The following UNC79 variants were observed in gnomAD, a reference collection of about 807,000 sequenced individuals.
UNC79 encodes the protein protein unc-79 homolog.
UNC79 carries 37 observed loss-of-function variants against 283.1 expected under a neutral mutation model. That is an observed-to-expected ratio of 0.13 (90% confidence interval 0.10 to 0.17). The LOEUF is 0.17. Ranked by LOEUF, UNC79 falls within the 10% of genes least tolerant of loss-of-function variation. UNC79 has a pLI of 1.00. For synonymous variants in UNC79, 1,107 were observed against 1,200.2 expected, an observed-to-expected ratio of 0.92 and a Z score of 1.61; for missense variants, 2,272 against 3,211.1, an observed-to-expected ratio of 0.71 and a Z score of 7.07.
chr14:93,634,746 G>T, intron 31 of UNC79, 109 bp downstream of exon 34: 1 of 1,107,000 alleles, frequency 9.0e-7, no homozygotes, highest in Non-Finnish European at 1.3e-6. Flanking sequence ...CATGTTCTTT[G>T]GTTCAGGTAA....
intron 1 of UNC79, among the ~76,000 whole-genome samples, chr14:93,352,651 C>T (rs1211302576): frequency 6.6e-6 from 1 of 152,170 alleles, no homozygotes; most frequent in Non-Finnish European, 1.5e-5. Context: ...GAATACTGAA[C>T]TCCTAGGGGA....
chr14:93,689,076 A>G (rs1311136348), intron 44 of UNC79: 5 of 459,812 alleles, frequency 1.1e-5, no homozygotes, highest in African/African-American at 9.9e-5. Context: ...TTGTCCTTTC[A>G]TGAAGAATGA....
At chr14:93,702,653 C>T (rs2075614004) in intron 47 of UNC79, among the ~76,000 whole-genome samples, 1 of 152,264 alleles carries the variant, frequency 6.6e-6, no homozygotes, top group South Asian at 2.1e-4. Flanking sequence ...CACATACTGT[C>T]CCCCATCCCA....
chr14:93,695,056 C>T (rs186389603), intron 47 of UNC79, among the ~76,000 whole-genome samples: 4 of 152,266 alleles, frequency 2.6e-5, no homozygotes, highest in East Asian at 3.9e-4. Context: ...GATACAAAAA[C>T]GAAACAGTAG....
chr14:93,411,759 T>C (rs765604093), intron 1 of UNC79, among the ~76,000 whole-genome samples: 3 of 152,234 alleles, frequency 2.0e-5, no homozygotes, highest in Non-Finnish European at 4.4e-5. Context: ...TTAATGCAGA[T>C]ACAGCTTAGA....
chr14:93,404,486 T>TAAAAAAAAAAAAAAAAAAA (rs34406486), intron 1 of UNC79, among the ~76,000 whole-genome samples: 1 of 53,048 alleles, frequency 1.9e-5, no homozygotes, highest in African/African-American at 8.0e-5. Flanking sequence ...TGAGACCTTC[T>TAAAAAAAAAAAAAAAAAAA]AAAAAAAATA....
At chr14:93,611,440 G>A (rs1363602251) in intron 26 of UNC79, among the ~76,000 whole-genome samples, 1 of 152,168 alleles carries the variant, frequency 6.6e-6, no homozygotes, top group Non-Finnish European at 1.5e-5. Context: ...CGACAACTAA[G>A]CTTGTTACCT....
intron 1 of UNC79, among the ~76,000 whole-genome samples, chr14:93,414,276 A>T (rs2055402890): frequency 6.6e-6 from 1 of 152,204 alleles, no homozygotes; most frequent in South Asian, 2.1e-4. Flanking sequence ...GCCATTATTA[A>T]ATAGGGAATC....
chr14:93,652,023 A>G (rs982371298), intron 35 of UNC79, among the ~76,000 whole-genome samples: 3 of 149,556 alleles, frequency 2.0e-5, no homozygotes, highest in African/African-American at 7.4e-5. Context: ...CGGCCTCCCA[A>G]AGTGCTGGGA....
intron 24 of UNC79, among the ~76,000 whole-genome samples, chr14:93,599,797 C>CT (rs1450427648): frequency 2.6e-5 from 4 of 152,192 alleles, no homozygotes; most frequent in African/African-American, 9.6e-5. Flanking sequence ...GGTGACTTTG[C>CT]TTTTTTCGGA....
intron 47 of UNC79, among the ~76,000 whole-genome samples, chr14:93,700,732 T>G (rs1429903440): frequency 6.6e-6 from 1 of 152,210 alleles, no homozygotes; most frequent in Non-Finnish European, 1.5e-5. Context: ...AGAGCAGCAA[T>G]TTTTGTAGGG....
chr14:93,614,810 A>C lies in UNC79; in HGVS notation c.4041+1727A>C, dbSNP rs117574966. 1.8e-4 allele frequency among the ~76,000 whole-genome samples: 28 copies of C among 152,174 alleles called. No individual in the cohort carries two copies. The East Asian group carries it at 5.4e-3, about 29-fold the overall frequency. On this transcript the variant is annotated intron_variant, in intron 27 of 48. Coordinates refer to ENST00000555664, the Ensembl canonical transcript of UNC79. Reference sequence around the variant, plus strand: ...GACAGACACCATACTTTACTCATCCATTCCCCTAGTTATGGACTCATATTG... The same window carrying C: ...GACAGACACCATACTTTACTCATCCCTTCCCCTAGTTATGGACTCATATTG...
chr14:93,344,079 C>T (rs1012538841), intron 1 of UNC79, among the ~76,000 whole-genome samples: 1 of 152,130 alleles, frequency 6.6e-6, no homozygotes, highest in Non-Finnish European at 1.5e-5. Context: ...TTTGGAGTCA[C>T]CACTGTCGAA....
intron 1 of UNC79, among the ~76,000 whole-genome samples, chr14:93,384,382 A>G (rs932703875): frequency 1.3e-5 from 2 of 152,234 alleles, no homozygotes; most frequent in Non-Finnish European, 2.9e-5. Context: ...ACTTTTGGAT[A>G]GAAGCCATTT....
At chr14:93,578,138 G>A in intron 18 of UNC79, 75 bp downstream of exon 18, 2 of 1,368,402 alleles carry the variant, frequency 1.5e-6, no homozygotes, top group East Asian at 4.8e-5. Flanking sequence ...TTCTTTCCAT[G>A]TGTTGGGCAT....
intron 1 of UNC79, among the ~76,000 whole-genome samples, chr14:93,367,013 C>T (rs1455522589): frequency 6.6e-6 from 1 of 152,132 alleles, no homozygotes; most frequent in African/African-American, 2.4e-5. Context: ...TCTTGTTTCA[C>T]AGACATCTAT....
chr14:93,625,659 A>T (rs549826664), intron 30 of UNC79, among the ~76,000 whole-genome samples: 1 of 151,074 alleles, frequency 6.6e-6, no homozygotes, highest in Non-Finnish European at 1.5e-5. Flanking sequence ...TATTGATCCA[A>T]GTATTTTTTT....
At chr14:93,698,367 T>C (rs2075293263) in intron 47 of UNC79, among the ~76,000 whole-genome samples, 1 of 152,132 alleles carries the variant, frequency 6.6e-6, no homozygotes, top group Non-Finnish European at 1.5e-5. Context: ...TAATGTATTA[T>C]GAAGCTCTGT....
intron 31 of UNC79, among the ~76,000 whole-genome samples, chr14:93,635,779 G>T (rs2068460175): frequency 6.6e-6 from 1 of 152,192 alleles, no homozygotes; most frequent in African/African-American, 2.4e-5. Context: ...AGTGATATGT[G>T]GTAGTGAGCA....
Sources: gnomAD v4.1 joint callset for allele counts (sites outside exome capture counted in the v4.1 genomes callset) on GRCh38, gnomAD v4.1.1 for gene constraint, MANE v1.5 for transcripts, NCBI Gene and HGNC (gene_info 2026-07-23, HGNC 2026-07-21) for gene names.